The following AAK1 variants were observed in gnomAD, a reference collection of about 807,000 sequenced individuals.
AAK1 encodes the protein AP2 associated kinase 1.
In AAK1, 37 loss-of-function variants were observed where a neutral mutation model predicts 116.0. The observed-to-expected ratio is 0.32, with a 90% CI of 0.25 to 0.42. The LOEUF is 0.42. AAK1 is among the 10% of genes least tolerant of loss of function. AAK1 has a pLI of 1.00. For synonymous variants in AAK1, 458 were observed against 439.9 expected (o/e 1.04, Z -0.51); for missense variants, 919 against 1,170.6 (o/e 0.79, Z 3.14).
chr2:69,518,639 G>A (rs997246708), intron 12 of AAK1, among the ~76,000 whole-genome samples: 47 of 152,046 alleles, frequency 3.1e-4, no homozygotes, highest in African/African-American at 8.2e-4. Context: ...GGATGGTCTC[G>A]ATCTCTTGAC....
At position 69,472,905 on chromosome 2, in the gene AAK1, A is replaced by T. The variant is rs770848160; in HGVS notation, c.*2964T>A. The T allele has an allele frequency of 3.3e-4, 330 of 985,646 alleles. 1 individual carries two copies. The highest frequency in any genetic ancestry group is 3.5e-4 in the Non-Finnish European group (290 of 829,820). 61.1% of individuals were successfully genotyped at this position (985,646 alleles called of 1,614,324 possible). A position where few individuals can be genotyped will look rare whatever the true frequency, so the allele number is the denominator to read the frequency against. On this transcript the variant is annotated 3_prime_UTR_variant, in exon 22 of 22. Transcript: ENST00000409085. Reference sequence around the variant, plus strand: ...TTATGATTTAGGCTTCTATTCAGATAATCAAGAAAGAGCAAGTTAGTAAAA... The same window carrying T: ...TTATGATTTAGGCTTCTATTCAGATTATCAAGAAAGAGCAAGTTAGTAAAA...
At chr2:69,596,707 A>C (rs1208436014) in intron 2 of AAK1, among the ~76,000 whole-genome samples, 2 of 152,204 alleles carry the variant, frequency 1.3e-5, no homozygotes, top group African/African-American at 4.8e-5. Flanking sequence ...TGAGCCACCA[A>C]ACCTCAGGCA....
At chr2:69,521,214 G>T (rs1353799059) in intron 10 of AAK1, among the ~76,000 whole-genome samples, 1 of 152,170 alleles carries the variant, frequency 6.6e-6, no homozygotes, top group Non-Finnish European at 1.5e-5. Context: ...ATACTGAGTG[G>T]CTCTCCTTCT....
intron 5 of AAK1, among the ~76,000 whole-genome samples, chr2:69,539,774 T>C (rs1670625238): frequency 6.6e-6 from 1 of 152,186 alleles, no homozygotes; most frequent in South Asian, 2.1e-4. Flanking sequence ...CTCTACTCTC[T>C]ACCCAGAATG....
chr2:69,526,240 T>C (rs1266731352), intron 9 of AAK1, among the ~76,000 whole-genome samples: 3 of 152,196 alleles, frequency 2.0e-5, no homozygotes, highest in Non-Finnish European at 2.9e-5. Context: ...AGCTGCATCT[T>C]CTGACTCAAG....
intron 17 of AAK1, among the ~76,000 whole-genome samples, chr2:69,493,062 G>C (rs971378219): frequency 3.3e-5 from 5 of 150,544 alleles, no homozygotes; most frequent in African/African-American, 1.2e-4. Flanking sequence ...GTAAGGCTGA[G>C]GCAGGAGAAT....
chr2:69,500,842 G>A (rs1675955726), intron 16 of AAK1, among the ~76,000 whole-genome samples: 1 of 151,524 alleles, frequency 6.6e-6, no homozygotes, highest in South Asian at 2.1e-4. Flanking sequence ...ATAACCATGT[G>A]TAATAGATGA....
chr2:69,592,082 G>A (rs1461996190), intron 2 of AAK1, among the ~76,000 whole-genome samples: 1 of 152,162 alleles, frequency 6.6e-6, no homozygotes, highest in Non-Finnish European at 1.5e-5. Flanking sequence ...TTTCATTGCA[G>A]TTTGGAATCC....
intron 13 of AAK1, among the ~76,000 whole-genome samples, chr2:69,512,891 T>G (rs1676445124): frequency 6.6e-6 from 1 of 152,220 alleles, no homozygotes; most frequent in Non-Finnish European, 1.5e-5. Flanking sequence ...GATGAGCATT[T>G]GTTATAATTA....
chr2:69,496,077 T>C lies in AAK1; in HGVS notation c.2273A>G (p.Glu758Gly). The C allele has an allele frequency of 6.4e-7, 1 of 1,553,352 alleles. No individual in the cohort carries two copies. The highest frequency in any genetic ancestry group is 1.2e-5 in the South Asian group (1 of 84,080). ...CACAGTCTGCCCACCCTTCCTTTTTTCAGCTGGAGTTAGGTTGGAGGGGAA... is the reference window on the plus strand; with the variant it reads ...CACAGTCTGCCCACCCTTCCTTTTTCCAGCTGGAGTTAGGTTGGAGGGGAA... ...ATTSFSAGTAEKRKGGQTVDS... is the reference protein window; with the variant it reads ...ATTSFSAGTAGKRKGGQTVDS... Residue 758 changes from glutamate (E) to glycine (G), a missense_variant, in exon 17 of 22, where the codon GAA becomes GGA. Glu to Gly is a moderately conservative substitution (Grantham distance 98). Coordinates refer to ENST00000409085, the MANE Select transcript of AAK1 (RefSeq NM_014911.5).
At chr2:69,608,249 C>A (rs1455467381) in intron 2 of AAK1, among the ~76,000 whole-genome samples, 2 of 152,220 alleles carry the variant, frequency 1.3e-5, no homozygotes, top group African/African-American at 4.8e-5. Context: ...TTCCTCAGAG[C>A]CTTGAGCAGA....
intron 2 of AAK1, among the ~76,000 whole-genome samples, chr2:69,577,191 T>G (rs1203572966): frequency 6.6e-6 from 1 of 152,252 alleles, no homozygotes; most frequent in African/African-American, 2.4e-5. Context: ...AATCTGGTTG[T>G]TTGCCCAGTG....
chr2:69,597,783 G>A (rs1172776404), intron 2 of AAK1: 1 of 155,450 alleles, frequency 6.4e-6, no homozygotes, highest in Non-Finnish European at 1.4e-5. Context: ...TAGCTGGGAG[G>A]ATCGCTTGAG....
At chr2:69,586,499 C>T (rs978090604) in intron 2 of AAK1, among the ~76,000 whole-genome samples, 2 of 152,134 alleles carry the variant, frequency 1.3e-5, no homozygotes, top group African/African-American at 4.8e-5. Context: ...ACCTGGGTTC[C>T]AATTGTGGCT....
rs200675453 is a variant in AAK1 at position 69,591,517 on chromosome 2, C to CTTT, written c.164-34542_164-34540dup. 3.0e-3 allele frequency among the ~76,000 whole-genome samples: 402 copies of CTTT among 135,036 alleles called. 14 individuals are homozygous for CTTT. The highest frequency in any genetic ancestry group is 8.7e-3 in the African/African-American group (318 of 36,644). 88.6% of individuals were successfully genotyped at this position (135,036 alleles called of 152,430 possible). The stretch of plus-strand genomic sequence containing the variant: ...TTCTATAATTTTTTTTTCTTTTTTT[C>CTTT]TTTTTCTTTTTTTTTTTTTTTGAGA... On this transcript the variant is annotated intron_variant, in intron 2 of 21. Coordinates refer to ENST00000409085, the MANE Select transcript of AAK1 (RefSeq NM_014911.5).
chr2:69,539,175 G>T (rs6737001), intron 5 of AAK1, among the ~76,000 whole-genome samples: 59,893 of 151,688 alleles, frequency 0.39, 12,807 homozygotes, highest in East Asian at 0.75. Context: ...TGGAAAGGAG[G>T]AGCTGGGGAG....
intron 4 of AAK1, 58 bp from the exon 5 acceptor site, chr2:69,542,723 G>C: frequency 6.3e-7 from 1 of 1,578,992 alleles, no homozygotes; most frequent in Admixed American, 1.8e-5. Context: ...TTGTCATTTA[G>C]TCTAAGAGAA....
chr2:69,616,994 C>A (rs1007915602), intron 2 of AAK1, among the ~76,000 whole-genome samples: 5 of 152,100 alleles, frequency 3.3e-5, no homozygotes, highest in Non-Finnish European at 5.9e-5. Flanking sequence ...ATCCAGGGGC[C>A]CTCATCCTAT....
At chr2:69,522,665 G>A (rs531107603) in intron 10 of AAK1, among the ~76,000 whole-genome samples, 25 of 152,090 alleles carry the variant, frequency 1.6e-4, no homozygotes, top group Admixed American at 4.6e-4. Context: ...TTAGCCGGGT[G>A]TGGTGGCACG....
Sources: allele counts gnomAD v4.1 joint callset (sites outside exome capture counted in the v4.1 genomes callset), GRCh38; gene constraint gnomAD v4.1.1; transcripts MANE v1.5; gene names NCBI Gene and HGNC (gene_info 2026-07-23, HGNC 2026-07-21).